The following ANKS1A variants were observed in gnomAD, a reference collection of about 807,000 sequenced individuals.
The protein encoded by ANKS1A is ankyrin repeat and sterile alpha motif domain containing 1A.
In ANKS1A, 55 loss-of-function variants were observed where a neutral mutation model predicts 120.3. That is an observed-to-expected ratio of 0.46 (90% CI 0.37 to 0.57). The LOEUF (loss-of-function observed/expected upper bound fraction) is 0.57. Among genes scored for constraint, ANKS1A ranks in the 20% least tolerant of loss-of-function variants. The pLI, the probability that ANKS1A is intolerant of heterozygous loss-of-function variation, is 0.00. For missense variants in ANKS1A, 1,123 were observed against 1,480.3 expected (o/e 0.76, Z 3.96); for synonymous variants, 590 against 604.7 (o/e 0.98, Z 0.36).
chr6:34,910,487 G>A (rs535815584), intron 1 of ANKS1A, among the ~76,000 whole-genome samples: 162 of 152,254 alleles, frequency 1.1e-3, no homozygotes, highest in African/African-American at 3.5e-3. Context: ...CTTGAGCCTC[G>A]GAGGTGGAGG....
intron 1 of ANKS1A, among the ~76,000 whole-genome samples, chr6:34,898,115 A>G (rs1767181515): frequency 6.6e-6 from 1 of 152,206 alleles, no homozygotes; most frequent in Admixed American, 6.5e-5. Flanking sequence ...AGCTGCTAGA[A>G]TCATCTAATG....
In ANKS1A at chr6:34,983,154, C is replaced by T. The variant is rs771477854; in HGVS notation, c.850C>T (p.Leu284=). 4 of 1,614,044 alleles carry T rather than the reference C, an allele frequency of 2.5e-6. No homozygotes were observed. Among genetic ancestry groups the T allele is most frequent in the East Asian group, 2.2e-5 (1 of 44,892 alleles). ...NIKDNHGLTA[L]DTVRELPSQK... ...AAAAGATAACCATGGACTGACTGCC[C>T]TAGACACTGTTCGGGAACTGCCTTC... The change falls in exon 6 of 24, where the codon CTA becomes TTA. Residue 284 remains leucine (L), a synonymous_variant. Coordinates refer to ENST00000360359, the MANE Select transcript of ANKS1A (RefSeq NM_015245.3).
chr6:34,951,978 C>T lies in ANKS1A; in HGVS notation c.198-15261C>T, dbSNP rs553088483. 5.9e-5 allele frequency among the ~76,000 whole-genome samples: 9 copies of T among 151,850 alleles called. No individual in the cohort carries two copies. In the South Asian group the frequency reaches 1.5e-3, roughly 25 times the overall value. On this transcript the variant is annotated intron_variant, in intron 1 of 23. Transcript: ENST00000360359. ...GAGGAGTGGGGAATGTGAGGCGGGG[C>T]GGAAATGAAAGAATATGAGCTGTGG...
At chr6:34,896,952 C>T (rs1015743072) in intron 1 of ANKS1A, among the ~76,000 whole-genome samples, 1 of 151,896 alleles carries the variant, frequency 6.6e-6, no homozygotes. Context: ...CAAAAAAGAG[C>T]GAAACTCCAT....
intron 23 of ANKS1A, among the ~76,000 whole-genome samples, chr6:35,087,666 T>C (rs979142419): frequency 1.3e-5 from 2 of 152,220 alleles, no homozygotes; most frequent in African/African-American, 4.8e-5. Flanking sequence ...TAGGCCCTTG[T>C]GAGACCTTGA....
chr6:35,046,440 C>T (rs1775723770), intron 11 of ANKS1A, among the ~76,000 whole-genome samples: 3 of 152,176 alleles, frequency 2.0e-5, no homozygotes, highest in African/African-American at 7.2e-5. Flanking sequence ...GTTAATCTTA[C>T]AATTTATTAT....
intron 3 of ANKS1A, chr6:34,972,455 TC>T (rs1218168397): frequency 9.1e-6 from 2 of 220,088 alleles, no homozygotes; most frequent in Non-Finnish European, 1.5e-5. Context: ...CTTATTAACT[TC>T]CCTTTGAGGC....
Position 35,079,564 on chromosome 6 carries a change from T to C in ANKS1A, c.2332T>C (p.Trp778Arg). The C allele has an allele frequency of 1.2e-6, 2 of 1,614,128 alleles. No individual in the cohort carries two copies. The highest frequency in any genetic ancestry group is 1.7e-6 in the Non-Finnish European group (2 of 1,179,994). ...DGNSPPSVPSWLDSLGLQDYV... is the reference protein window; with the variant it reads ...DGNSPPSVPSRLDSLGLQDYV... ...GAACAGCCCCCCTAGCGTGCCCTCC[T>C]GGCTGGACTCCCTGGGGCTGCAGGA... is the stretch of plus-strand genomic sequence containing the variant. The change falls in exon 15 of 24, where the codon TGG becomes CGG. Residue 778 changes from tryptophan to arginine, a missense_variant. Trp to Arg is a moderately radical substitution (Grantham distance 101, BLOSUM62 -3). This residue lies in a region of ANKS1A where 904 missense variants were observed against 1,130.4 expected (regional missense o/e 0.80). Coordinates refer to ENST00000360359, the MANE Select transcript of ANKS1A (RefSeq NM_015245.3).
chr6:34,962,269 C>T (rs1737724), intron 1 of ANKS1A, among the ~76,000 whole-genome samples: 30,397 of 152,138 alleles, frequency 0.2, 5,033 homozygotes, highest in African/African-American at 0.45. Flanking sequence ...CCCTCAGGCT[C>T]CTCACCTTGT....
At chr6:35,005,013 T>C (rs1773380190) in intron 10 of ANKS1A, among the ~76,000 whole-genome samples, 1 of 152,242 alleles carries the variant, frequency 6.6e-6, no homozygotes, top group Non-Finnish European at 1.5e-5. Flanking sequence ...CCTTAAAATC[T>C]AGCTAAATAT....
intron 1 of ANKS1A, among the ~76,000 whole-genome samples, chr6:34,955,072 T>A (rs1169892694): frequency 3.3e-5 from 5 of 152,110 alleles, no homozygotes; most frequent in Admixed American, 3.3e-4. Context: ...ACTATAATTC[T>A]ATTTTTTTCT....
chr6:34,976,749 C>T (rs1771610463), intron 3 of ANKS1A, among the ~76,000 whole-genome samples: 1 of 146,040 alleles, frequency 6.8e-6, no homozygotes, highest in Non-Finnish European at 1.5e-5. Flanking sequence ...ATTTTGCTAC[C>T]TTTGCTTTTT....
intron 13 of ANKS1A, among the ~76,000 whole-genome samples, chr6:35,071,483 C>T (rs1319623197): frequency 6.6e-6 from 1 of 152,116 alleles, no homozygotes; most frequent in African/African-American, 2.4e-5. Flanking sequence ...TAATGTGGGA[C>T]TGTTGTGCCT....
chr6:35,025,971 T>C (rs1319618624), intron 11 of ANKS1A, among the ~76,000 whole-genome samples: 3 of 152,118 alleles, frequency 2.0e-5, no homozygotes, highest in Non-Finnish European at 2.9e-5. Flanking sequence ...CTGGGGTATT[T>C]GCAAAATCAC....
chr6:34,921,273 C>G (rs1165429738), intron 1 of ANKS1A, among the ~76,000 whole-genome samples: 1 of 152,154 alleles, frequency 6.6e-6, no homozygotes, highest in African/African-American at 2.4e-5. Flanking sequence ...AAATCATAGT[C>G]TCTTCTGAAC....
intron 2 of ANKS1A, among the ~76,000 whole-genome samples, chr6:34,967,966 C>T (rs1770983378): frequency 6.6e-6 from 1 of 151,906 alleles, no homozygotes; most frequent in Non-Finnish European, 1.5e-5. Flanking sequence ...CATAAAGGGG[C>T]TGGAATCTAT....
chr6:34,945,220 C>A (rs556130956), intron 1 of ANKS1A, among the ~76,000 whole-genome samples: 1 of 152,198 alleles, frequency 6.6e-6, no homozygotes, highest in East Asian at 1.9e-4. Context: ...GGACTACAGG[C>A]ATGCACCACC....
intron 16 of ANKS1A, among the ~76,000 whole-genome samples, 182 bp downstream of exon 16, chr6:35,080,110 A>G (rs1027940654): frequency 2.6e-5 from 4 of 152,156 alleles, no homozygotes; most frequent in African/African-American, 7.2e-5. Flanking sequence ...CTACTTGGGG[A>G]TGGCCGATCA....
At position 35,090,621 on chromosome 6, in the gene ANKS1A, G is replaced by C. The variant is rs1003006912; in HGVS notation, c.*2012G>C. ...TTCTGAATATTCAAGAAAGGAAAAT[G>C]ACTGGGCCTTTCTTTCTTTTCTTCT... On this transcript the variant is annotated 3_prime_UTR_variant, in exon 24 of 24. Coordinates refer to ENST00000360359, the MANE Select transcript of ANKS1A (RefSeq NM_015245.3). The C allele has an allele frequency of 1.1e-4, 106 of 991,694 alleles. No individual in the cohort carries two copies. In the African/African-American group the frequency reaches 1.7e-3, roughly 16 times the overall value. The allele number at this position is 991,694 out of a possible 1,614,324, so 61.4% of individuals were successfully genotyped here.
Sources: allele counts gnomAD v4.1 joint callset (sites outside exome capture counted in the v4.1 genomes callset), GRCh38; gene constraint gnomAD v4.1.1; regional missense constraint gnomAD v4.1.1; transcripts MANE v1.5; gene names NCBI Gene and HGNC (gene_info 2026-07-23, HGNC 2026-07-21).